Variants in ADARB1 observed in about 807,000 individuals in gnomAD.
ADARB1 encodes the protein double-stranded RNA-specific editase 1.
Under a neutral mutation model 52.4 loss-of-function variants are expected in ADARB1, and 10 were observed. The ratio of observed to expected loss-of-function variants is 0.19; its 90% CI spans 0.12 to 0.32. The LOEUF (loss-of-function observed/expected upper bound fraction) is 0.32, where lower values mean the gene tolerates loss of function less well. Among genes scored for constraint, ADARB1 ranks in the 10% least tolerant of loss-of-function variants. The pLI is 1.00. For missense variants in ADARB1, 643 were observed against 922.3 expected, an observed-to-expected ratio of 0.70 and a Z score of 3.92; for synonymous variants, 349 against 371.1, an observed-to-expected ratio of 0.94 and a Z score of 0.68.
At position 45,195,607 on chromosome 21, in the gene ADARB1, CT is replaced by C. The variant is rs777342557; in HGVS notation, c.1566-8935del. On this transcript the variant is annotated intron_variant, in intron 8 of 10. Coordinates refer to ENST00000348831, the MANE Select transcript of ADARB1 (RefSeq NM_001112.4). ...AGGGTGTAAAACCTATGCCTAGATT[CT>C]TTTTTTTTTTTTCTGCATGTTTATG... is the stretch of plus-strand genomic sequence containing the variant. 1.3e-3 allele frequency among the ~76,000 whole-genome samples: 183 copies of C among 140,892 alleles called. 1 individual carries two copies. Among genetic ancestry groups the C allele is most frequent in the East Asian group, 2.7e-3 (13 of 4,858 alleles). The allele number at this position is 140,892 out of a possible 152,430, so 92.4% of individuals were successfully genotyped here.
At chr21:45,096,783 T>A (rs1271571910) in intron 1 of ADARB1, among the ~76,000 whole-genome samples, 2 of 152,124 alleles carry the variant, frequency 1.3e-5, no homozygotes, top group Non-Finnish European at 2.9e-5. Context: ...TGAGACAGAG[T>A]CTGTCTCTGT....
At chr21:45,129,392 G>T (rs891573969) in intron 2 of ADARB1, among the ~76,000 whole-genome samples, 2 of 152,228 alleles carry the variant, frequency 1.3e-5, no homozygotes, top group African/African-American at 2.4e-5. Flanking sequence ...AACTCAGGAA[G>T]TCCAGTTGTA....
At chr21:45,216,693 G>C (rs1027579076) in intron 9 of ADARB1, among the ~76,000 whole-genome samples, 1 of 152,000 alleles carries the variant, frequency 6.6e-6, no homozygotes, top group African/African-American at 2.4e-5. Context: ...TTGGGGTAGA[G>C]TGATCTGTAA....
At chr21:45,111,428 C>T (rs1249134890) in intron 1 of ADARB1, among the ~76,000 whole-genome samples, 4 of 152,106 alleles carry the variant, frequency 2.6e-5, no homozygotes, top group African/African-American at 9.7e-5. Context: ...TATCCGGAGC[C>T]GTGTATTTGT....
At chr21:45,147,612 T>C (rs1019479867) in intron 2 of ADARB1, among the ~76,000 whole-genome samples, 1 of 152,136 alleles carries the variant, frequency 6.6e-6, no homozygotes, top group Non-Finnish European at 1.5e-5. Context: ...ATCTTATCTG[T>C]CTCAGGCCAG....
intron 1 of ADARB1, among the ~76,000 whole-genome samples, chr21:45,114,922 T>C (rs1186711502): frequency 6.6e-6 from 1 of 152,252 alleles, no homozygotes; most frequent in East Asian, 1.9e-4. Context: ...TCTGTGTTCA[T>C]AATCCTGGTC....
At chr21:45,213,011 A>T (rs904391615) in intron 9 of ADARB1, among the ~76,000 whole-genome samples, 2 of 152,226 alleles carry the variant, frequency 1.3e-5, no homozygotes, top group Non-Finnish European at 2.9e-5. Flanking sequence ...TTTGCAGTGC[A>T]CAGGACAAAC....
At chr21:45,107,536 CAT>C (rs1289374583) in intron 1 of ADARB1, among the ~76,000 whole-genome samples, 1 of 151,758 alleles carries the variant, frequency 6.6e-6, no homozygotes, top group African/African-American at 2.4e-5. Flanking sequence ...GAAATAAGCC[CAT>C]ATATAGATGG....
At chr21:45,159,611 A>C (rs1235306141) in intron 2 of ADARB1, among the ~76,000 whole-genome samples, 1 of 152,198 alleles carries the variant, frequency 6.6e-6, no homozygotes, top group Non-Finnish European at 1.5e-5. Context: ...TGATGTGAGC[A>C]TACAAGAGGG....
rs538195659 is a variant in ADARB1, at chr21:45,220,057, C to A, written c.1748-779C>A. On this transcript the variant is annotated intron_variant, in intron 9 of 10. Coordinates refer to ENST00000348831, the MANE Select transcript of ADARB1 (RefSeq NM_001112.4). This position sits in a 1 kb window ranked among gnomAD's most constrained non-coding sequence, Gnocchi z 6.3. The stretch of plus-strand genomic sequence containing the variant: ...GTCTTTGTAAAAGCTATTTTTATCT[C>A]CTGTTTGATGTTTGTTCTTGCTTCA... Among the ~76,000 whole-genome samples the A allele has an allele frequency of 2.1e-4, 30 of 144,224 alleles. No individual in the cohort carries two copies. In the Middle Eastern group the frequency reaches 0.011, roughly 53 times the overall value. 94.6% of individuals were successfully genotyped at this position (144,224 alleles called of 152,430 possible).
At chr21:45,178,977 A>G (rs146327731) in intron 4 of ADARB1, among the ~76,000 whole-genome samples, 35 of 152,200 alleles carry the variant, frequency 2.3e-4, no homozygotes, top group African/African-American at 8.2e-4. Context: ...AAGTTTGGAG[A>G]TTCGCCTAAT....
intron 2 of ADARB1, among the ~76,000 whole-genome samples, chr21:45,141,160 C>G (rs1472252095): frequency 1.3e-5 from 2 of 152,158 alleles, no homozygotes; most frequent in South Asian, 4.1e-4. Flanking sequence ...TGTGCCAATG[C>G]ACTCCAGCCT....
intron 1 of ADARB1, among the ~76,000 whole-genome samples, chr21:45,124,663 C>A (rs1434404257): frequency 6.6e-6 from 1 of 152,234 alleles, no homozygotes; most frequent in East Asian, 1.9e-4. Flanking sequence ...CATGCATGAG[C>A]TACTGCATCT....
chr21:45,075,504 C>T (rs2085893699), intron 1 of ADARB1, among the ~76,000 whole-genome samples: 1 of 152,184 alleles, frequency 6.6e-6, no homozygotes, highest in South Asian at 2.1e-4. Context: ...CTCTGCGCCG[C>T]GGGCGGCCCG....
At chr21:45,189,274 G>A (rs1185699504) in intron 8 of ADARB1, among the ~76,000 whole-genome samples, 1 of 151,480 alleles carries the variant, frequency 6.6e-6, no homozygotes, top group Admixed American at 6.6e-5. Flanking sequence ...TTTTCTTTGT[G>A]GTTACCATTG....
At chr21:45,124,709 A>AT (rs371548222) in intron 1 of ADARB1, among the ~76,000 whole-genome samples, 15 of 149,434 alleles carry the variant, frequency 1.0e-4, no homozygotes, top group African/African-American at 3.7e-4. Flanking sequence ...GTTTTGTCAG[A>AT]TTTTCTGTTT....
chr21:45,090,083 G>T (rs1245903208), intron 1 of ADARB1, among the ~76,000 whole-genome samples: 2 of 152,084 alleles, frequency 1.3e-5, no homozygotes, highest in African/African-American at 4.8e-5. Context: ...ATCTTGTCTA[G>T]CATGTTACCT....
chr21:45,144,686 C>T, intron 2 of ADARB1: 1 of 451,436 alleles, frequency 2.2e-6, no homozygotes. Flanking sequence ...GTTGTGAGGG[C>T]ATTGCTTCAA....
At chr21:45,169,519 G>A (rs998508955) in intron 2 of ADARB1, among the ~76,000 whole-genome samples, 3 of 152,224 alleles carry the variant, frequency 2.0e-5, no homozygotes, top group South Asian at 2.1e-4. Context: ...GAAAATGCAG[G>A]GTCGCTTCTC....
Sources: gnomAD v4.1 joint callset for allele counts (sites outside exome capture counted in the v4.1 genomes callset) on GRCh38, gnomAD v4.1.1 for gene constraint, Gnocchi (gnomAD v3.1) non-coding constraint, MANE v1.5 for transcripts, NCBI Gene and HGNC (gene_info 2026-07-23, HGNC 2026-07-21) for gene names.